WDFY3: variants seen among roughly 807,000 people sequenced by gnomAD.
WDFY3 encodes the protein WD repeat and FYVE domain containing 3.
WDFY3 carries 66 observed loss-of-function variants against 409.6 expected under a neutral mutation model. The ratio of observed to expected loss-of-function variants is 0.16; its 90% CI spans 0.13 to 0.20. WDFY3 has a LOEUF of 0.20. Among genes scored for constraint, WDFY3 ranks in the 10% least tolerant of loss-of-function variants. The pLI is 1.00. For missense variants in WDFY3, 3,031 were observed against 4,298.1 expected, an observed-to-expected ratio of 0.71 and a Z score of 8.24; for synonymous variants, 1,521 against 1,537.1, an observed-to-expected ratio of 0.99 and a Z score of 0.25.
chr4:84,906,553 A>G, intron 2 of WDFY3, among the ~76,000 whole-genome samples: 1 of 152,170 alleles, frequency 6.6e-6, no homozygotes, highest in Admixed American at 6.5e-5. Flanking sequence ...TATCCACAGG[A>G]AATTGGCTCC....
At chr4:84,732,070 G>C (rs552009961) in intron 44 of WDFY3, among the ~76,000 whole-genome samples, 1 of 152,194 alleles carries the variant, frequency 6.6e-6, no homozygotes, top group African/African-American at 2.4e-5. Flanking sequence ...CAAAAATATG[G>C]GTGGATTACC....
chr4:84,956,558 G>C (rs571154975), intron 1 of WDFY3, among the ~76,000 whole-genome samples: 1 of 152,222 alleles, frequency 6.6e-6, no homozygotes, highest in South Asian at 2.1e-4. Flanking sequence ...ATTCACAAAA[G>C]AATCAAACAA....
intron 5 of WDFY3, among the ~76,000 whole-genome samples, chr4:84,841,953 G>A (rs1038294823): frequency 6.6e-6 from 1 of 152,098 alleles, no homozygotes; most frequent in African/African-American, 2.4e-5. Flanking sequence ...GTAATACACA[G>A]AGGAATAACT....
chr4:84,795,210 A>C (rs570293057), intron 19 of WDFY3, among the ~76,000 whole-genome samples: 1 of 152,304 alleles, frequency 6.6e-6, no homozygotes, highest in East Asian at 1.9e-4. Context: ...AATAAAAAAA[A>C]ATGAAGATAC....
In WDFY3 at chr4:84,786,046, GAC is replaced by G; in HGVS notation, c.3993_3994del (p.Ser1332ValfsTer12). The G allele has an allele frequency of 6.2e-7, 1 of 1,613,966 alleles. No individual in the cohort carries two copies. On this transcript the variant is annotated frameshift_variant, in exon 24 of 68. Coordinates refer to ENST00000295888, the MANE Select transcript of WDFY3 (RefSeq NM_014991.6). LOFTEE classifies it high-confidence loss of function. ...CCGGATTCTTGCCACTGTTAGAGAC[GAC>G]ACAGAGAGTGCATAGAGGCCAAATG... is the stretch of plus-strand genomic sequence containing the variant.
chr4:84,715,419 CAGA>C (rs753693332), intron 49 of WDFY3, 36 bp from the exon 50 acceptor site: 2 of 1,117,346 alleles, frequency 1.8e-6, no homozygotes, highest in Middle Eastern at 2.0e-4. Context: ...TAAGAAAAAA[CAGA>C]AGTTCACAAA....
intron 2 of WDFY3, among the ~76,000 whole-genome samples, chr4:84,930,064 G>A (rs775489272): frequency 4.7e-4 from 71 of 152,168 alleles, no homozygotes; most frequent in South Asian, 4.1e-4. Flanking sequence ...CAACACTGGC[G>A]TCAGACTTCC....
intron 36 of WDFY3, among the ~76,000 whole-genome samples, chr4:84,747,328 T>A (rs1255444744): frequency 1.7e-4 from 26 of 152,194 alleles, no homozygotes; most frequent in Admixed American, 1.5e-3. Context: ...GCTGGAAGCC[T>A]TTAAAGATAG....
chr4:84,834,684 A>C (rs1291218268), intron 7 of WDFY3, among the ~76,000 whole-genome samples: 1 of 152,104 alleles, frequency 6.6e-6, no homozygotes, highest in Admixed American at 6.6e-5. Flanking sequence ...TGCCTCTACT[A>C]ACCACTTATA....
At chr4:84,841,305 A>G (rs1325563761) in intron 5 of WDFY3, 42 bp from the exon 6 acceptor site, 10 of 1,537,132 alleles carry the variant, frequency 6.5e-6, no homozygotes, top group Non-Finnish European at 8.9e-6. Context: ...GGGAAAAGTC[A>G]CATATAAAGA....
At chr4:84,960,314 T>C (rs1421105026) in intron 1 of WDFY3, among the ~76,000 whole-genome samples, 1 of 152,182 alleles carries the variant, frequency 6.6e-6, no homozygotes, top group Non-Finnish European at 1.5e-5. Context: ...CCTTCCAAAC[T>C]TTGAAGTCTG....
chr4:84,790,166 A>G (rs141788126), intron 21 of WDFY3, among the ~76,000 whole-genome samples: 6,493 of 152,112 alleles, frequency 0.043, 436 homozygotes, highest in African/African-American at 0.15. Flanking sequence ...CCTGGCCAAC[A>G]TGGTGAAACC....
Position 84,848,302 on chromosome 4 carries a change from G to A in WDFY3, c.304+1600C>T, listed in dbSNP as rs1003920080. Among the ~76,000 whole-genome samples the A allele has an allele frequency of 9.2e-5, 14 of 151,552 alleles. No individual in the cohort carries two copies. The South Asian group carries it at 1.2e-3, about 14-fold the overall frequency. ...GAGGAAAAAAAAATCAAGAATCTACGTAGCTTTCGATTTCTCAATAACAAT... is the reference window on the plus strand; with the variant it reads ...GAGGAAAAAAAAATCAAGAATCTACATAGCTTTCGATTTCTCAATAACAAT... On this transcript the variant is annotated intron_variant, in intron 5 of 67. Coordinates refer to ENST00000295888, the MANE Select transcript of WDFY3 (RefSeq NM_014991.6).
chr4:84,965,514 C>G lies in WDFY3; in HGVS notation c.-226+695G>C, dbSNP rs553048646. Among the ~76,000 whole-genome samples, 5 of 152,288 alleles carry G rather than the reference C, an allele frequency of 3.3e-5. No homozygotes were observed. In the East Asian group the frequency reaches 9.7e-4, roughly 29 times the overall value. On this transcript the variant is annotated intron_variant, in intron 1 of 67. Coordinates refer to ENST00000295888, the MANE Select transcript of WDFY3 (RefSeq NM_014991.6). ...GGTAAAAATCAATGAAAAACTGCAC[C>G]TGAGGCTCAAACACTAGCCAGATGG...
At chr4:84,898,336 TTTGA>T (rs1231174814) in intron 2 of WDFY3, among the ~76,000 whole-genome samples, 1 of 152,220 alleles carries the variant, frequency 6.6e-6, no homozygotes, top group Non-Finnish European at 1.5e-5. Context: ...ATGACTTTTA[TTTGA>T]TTGTCAAAGG....
rs767500741 is a variant in WDFY3, at chr4:84,896,969, G to A, written c.-90C>T. 6.6e-6 allele frequency: 1 copy of A among 152,134 alleles called. No individual in the cohort carries two copies. The highest frequency in any genetic ancestry group is 1.5e-5 in the Non-Finnish European group (1 of 68,010). 9.4% of individuals were successfully genotyped at this position (152,134 alleles called of 1,614,324 possible). A position where few individuals can be genotyped will look rare whatever the true frequency, so the allele number is the denominator to read the frequency against. ...TGTGTGAGCACAATAGGGCCCATTC[G>A]CTTGAAGGTATTTTACTCAAAACTT... On this transcript the variant is annotated 5_prime_UTR_variant, in exon 3 of 68. Coordinates refer to ENST00000295888, the MANE Select transcript of WDFY3 (RefSeq NM_014991.6).
chr4:84,963,937 G>A (rs1340948222), intron 1 of WDFY3, among the ~76,000 whole-genome samples: 1 of 152,102 alleles, frequency 6.6e-6, no homozygotes, highest in Non-Finnish European at 1.5e-5. Context: ...CATTTCTTGG[G>A]CATAATCAGA....
At chr4:84,762,501 A>G (rs1473717621) in intron 32 of WDFY3, among the ~76,000 whole-genome samples, 1 of 150,274 alleles carries the variant, frequency 6.7e-6, no homozygotes, top group East Asian at 2.0e-4. Context: ...ATTGGGAGAT[A>G]TACCTAATGC....
chr4:84,953,166 T>C (rs768098255), intron 1 of WDFY3, among the ~76,000 whole-genome samples: 4 of 151,528 alleles, frequency 2.6e-5, no homozygotes, highest in Non-Finnish European at 2.9e-5. Context: ...TATTACACTA[T>C]GTGAAATAAG....
Sources: gnomAD v4.1 joint callset for allele counts (sites outside exome capture counted in the v4.1 genomes callset) on GRCh38, gnomAD v4.1.1 for gene constraint, MANE v1.5 for transcripts, NCBI Gene and HGNC (gene_info 2026-07-23, HGNC 2026-07-21) for gene names.